Variants in NECTIN3 observed in about 807,000 individuals in gnomAD.
NECTIN3 encodes the protein nectin-3.
A neutral mutation model predicts 49.4 loss-of-function variants in NECTIN3; 8 were observed. The observed-to-expected ratio is 0.16, with a 90% CI of 0.10 to 0.29. NECTIN3 has a LOEUF of 0.29. Among genes scored for constraint, NECTIN3 ranks in the 10% least tolerant of loss-of-function variants. NECTIN3 has a pLI of 1.00. For synonymous variants in NECTIN3, 277 were observed against 241.1 expected, an observed-to-expected ratio of 1.15 and a Z score of -1.38; for missense variants, 581 against 654.6, an observed-to-expected ratio of 0.89 and a Z score of 1.23.
chr3:111,179,890 CAA>C (rs10715848), intron 7 of NECTIN3, among the ~76,000 whole-genome samples: 95 of 116,952 alleles, frequency 8.1e-4, no homozygotes, highest in African/African-American at 9.5e-4. Context: ...GACTCTGTCT[CAA>C]AAAAAAAAAA....
At chr3:111,148,225 C>G (rs968777691) in intron 7 of NECTIN3, among the ~76,000 whole-genome samples, 1 of 152,148 alleles carries the variant, frequency 6.6e-6, no homozygotes, top group Non-Finnish European at 1.5e-5. Context: ...AAATCATTAG[C>G]CCATCAATTC....
intron 7 of NECTIN3, chr3:111,147,623 T>C: frequency 1.3e-6 from 1 of 745,314 alleles, no homozygotes; most frequent in Non-Finnish European, 2.1e-6. Flanking sequence ...AAATGTTGTT[T>C]AGTCATTATG....
downstream of NECTIN3, among the ~76,000 whole-genome samples, chr3:111,139,691 A>G (rs1355351249): frequency 1.3e-5 from 2 of 151,744 alleles, no homozygotes; most frequent in Admixed American, 1.3e-4. Flanking sequence ...AACTTTATCT[A>G]TCATAACCTC....
In NECTIN3 at chr3:111,118,974, C is replaced by G. The variant is rs116398896; in HGVS notation, c.799+22C>G. 745 of 1,530,136 alleles carry G rather than the reference C, an allele frequency of 4.9e-4. 1 individual carries two copies. The African/African-American group carries it at 8.9e-3, about 18-fold the overall frequency. 94.8% of individuals were successfully genotyped at this position (1,530,136 alleles called of 1,614,324 possible). Reference sequence around the variant, plus strand: ...CAGTGTAAGTAAATGGTAACATTTACTTTTTAAATATTTGTCAGCATGTTT... The same window carrying G: ...CAGTGTAAGTAAATGGTAACATTTAGTTTTTAAATATTTGTCAGCATGTTT... On this transcript the variant is annotated intron_variant, in intron 3 of 5. Transcript: ENST00000485303.
chr3:111,079,597 C>G (rs1329464930), intron 1 of NECTIN3, among the ~76,000 whole-genome samples: 1 of 151,568 alleles, frequency 6.6e-6, no homozygotes, highest in East Asian at 2.0e-4. Context: ...GGAAGAGAAT[C>G]AAGTGGAAGA....
intron 2 of NECTIN3, among the ~76,000 whole-genome samples, chr3:111,116,590 A>G (rs566671199): frequency 6.6e-6 from 1 of 152,202 alleles, no homozygotes; most frequent in Non-Finnish European, 1.5e-5. Context: ...ACCAAATTTA[A>G]GGAATGTAGT....
chr3:111,072,381 C>T (rs2030830863), intron 1 of NECTIN3: 1 of 1,497,150 alleles, frequency 6.7e-7, no homozygotes, highest in East Asian at 2.5e-5. Context: ...AGCCGGCGGC[C>T]CGCTGCCCTC....
chr3:111,132,903 CTATT>C (rs1320910073), intron 5 of NECTIN3, among the ~76,000 whole-genome samples: 1 of 151,872 alleles, frequency 6.6e-6, no homozygotes, highest in Non-Finnish European at 1.5e-5. Context: ...TTTACTTTGT[CTATT>C]AGTTTCCTTT....
At chr3:111,174,136 C>A (rs1322217873) in intron 7 of NECTIN3, among the ~76,000 whole-genome samples, 1 of 152,172 alleles carries the variant, frequency 6.6e-6, no homozygotes, top group Non-Finnish European at 1.5e-5. Context: ...TCCCATCCAA[C>A]CAATAAAGTG....
chr3:111,122,324 A>G, intron 4 of NECTIN3, 86 bp downstream of exon 4: 2 of 988,950 alleles, frequency 2.0e-6, no homozygotes, highest in Non-Finnish European at 3.0e-6. Flanking sequence ...TCTGTATAAT[A>G]CATGATTATA....
chr3:111,175,017 G>A lies in NECTIN3; in HGVS notation c.1222-17334G>A, dbSNP rs192464734. The stretch of plus-strand genomic sequence containing the variant: ...GAGTGGTGGAGGTGGCTCTCAGTGG[G>A]ATGGATGGGGAGCTGGCAGCGGGGA... On this transcript the variant is annotated intron_variant, in intron 7 of 8. Coordinates refer to the NECTIN3 transcript ENST00000493615. 9.9e-5 allele frequency among the ~76,000 whole-genome samples: 15 copies of A among 152,178 alleles called. No individual in the cohort carries two copies. The East Asian group carries it at 2.1e-3, about 22-fold the overall frequency.
At chr3:111,119,738 AAAG>A (rs1294843872) in intron 3 of NECTIN3, among the ~76,000 whole-genome samples, 1 of 152,230 alleles carries the variant, frequency 6.6e-6, no homozygotes, top group African/African-American at 2.4e-5. Context: ...AGGTAGTAAA[AAAG>A]GTGATGGCTG....
chr3:111,121,562 A>C (rs953537918), intron 3 of NECTIN3, among the ~76,000 whole-genome samples: 3 of 152,202 alleles, frequency 2.0e-5, no homozygotes, highest in Admixed American at 6.5e-5. Flanking sequence ...TTCAGTTTTA[A>C]GTATGTAGTC....
chr3:111,114,033 C>T (rs1236416192), intron 2 of NECTIN3, among the ~76,000 whole-genome samples: 1 of 152,064 alleles, frequency 6.6e-6, no homozygotes, highest in African/African-American at 2.4e-5. Flanking sequence ...TATGAAAGAG[C>T]AAGCTCATGG....
At chr3:111,131,273 T>A (rs1374918096) in intron 5 of NECTIN3, among the ~76,000 whole-genome samples, 2 of 152,004 alleles carry the variant, frequency 1.3e-5, no homozygotes, top group Non-Finnish European at 2.9e-5. Flanking sequence ...TTATATCCAT[T>A]ATATACTCAT....
At position 111,112,276 on chromosome 3, in the gene NECTIN3, A is replaced by G. The variant is rs1235155641; in HGVS notation, c.407A>G (p.His136Arg). 1.2e-6 allele frequency: 2 copies of G among 1,613,690 alleles called. No individual in the cohort carries two copies. Among genetic ancestry groups the G allele is most frequent in the East Asian group, 2.2e-5 (1 of 44,874 alleles). ...CTTAATGATGCAACAATTACTCTGCATAACATAGGATTCTCTGATTCTGGA... is the reference window on the plus strand; with the variant it reads ...CTTAATGATGCAACAATTACTCTGCGTAACATAGGATTCTCTGATTCTGGA... Reference protein sequence around the residue: ...YSLNDATITLHNIGFSDSGKY... With the variant: ...YSLNDATITLRNIGFSDSGKY... The change falls in exon 2 of 6, where the codon CAT becomes CGT. Residue 136 changes from histidine (H) to arginine (R), a missense_variant. This residue lies in a region of NECTIN3 where 234 missense variants were observed against 340.6 expected (regional missense o/e 0.69). Transcript: ENST00000485303.
At position 111,137,439 on chromosome 3, in the gene NECTIN3, T is replaced by A; in HGVS notation, c.*3224T>A. 2 of 954,114 alleles carry A rather than the reference T, an allele frequency of 2.1e-6. No individual in the cohort carries two copies. The highest frequency in any genetic ancestry group is 2.5e-6 in the Non-Finnish European group (2 of 803,372). 59.1% of individuals were successfully genotyped at this position (954,114 alleles called of 1,614,324 possible). On this transcript the variant is annotated 3_prime_UTR_variant, in exon 6 of 6. Transcript: ENST00000485303. Reference sequence around the variant, plus strand: ...AGTTTTGGTTTTGTTGTGTTTGGTGTTTTTTGTTTTGTTTTGTTTTGTTTT... The same window carrying A: ...AGTTTTGGTTTTGTTGTGTTTGGTGATTTTTGTTTTGTTTTGTTTTGTTTT...
chr3:111,080,342 A>G (rs1028494386), intron 1 of NECTIN3, among the ~76,000 whole-genome samples: 6 of 152,122 alleles, frequency 3.9e-5, no homozygotes, highest in Non-Finnish European at 5.9e-5. Context: ...GTTAATAGTA[A>G]AAATGTTTAA....
At chr3:111,178,445 T>G (rs2035569791) in intron 7 of NECTIN3, among the ~76,000 whole-genome samples, 1 of 152,150 alleles carries the variant, frequency 6.6e-6, no homozygotes, top group Admixed American at 6.5e-5. Context: ...GGAAATACCC[T>G]CCTCATAAAT....
Sources: allele counts gnomAD v4.1 joint callset (sites outside exome capture counted in the v4.1 genomes callset), GRCh38; gene constraint gnomAD v4.1.1; regional missense constraint gnomAD v4.1.1; transcripts MANE v1.5; gene names NCBI Gene and HGNC (gene_info 2026-07-23, HGNC 2026-07-21).